ALB: variants seen among roughly 807,000 people sequenced by gnomAD.
The protein encoded by ALB is serum albumin.
In ALB, 37 loss-of-function variants were observed where a neutral mutation model predicts 74.5. The observed-to-expected ratio is 0.50, with a 90% confidence interval of 0.38 to 0.65. ALB has a LOEUF of 0.65. Among genes scored for constraint, ALB ranks in the 30% least tolerant of loss-of-function variants. The probability of loss-of-function intolerance (pLI) is 0.00; values close to 1 mark genes in which losing one functional copy is unlikely to be tolerated. For synonymous variants in ALB, 249 were observed against 251.6 expected, an observed-to-expected ratio of 0.99 and a Z score of 0.10; for missense variants, 685 against 718.7, an observed-to-expected ratio of 0.95 and a Z score of 0.54.
intron 12 of ALB, among the ~76,000 whole-genome samples, chr4:73,418,916 C>T (rs1719081705): frequency 6.6e-6 from 1 of 152,146 alleles, no homozygotes; most frequent in Non-Finnish European, 1.5e-5. Flanking sequence ...ACACAAATCT[C>T]TCCCTGGCAT....
intron 13 of ALB, among the ~76,000 whole-genome samples, 180 bp downstream of exon 13, chr4:73,419,819 A>G (rs1227130423): frequency 6.6e-6 from 1 of 152,270 alleles, no homozygotes; most frequent in East Asian, 1.9e-4. Flanking sequence ...CTCCTGCTCT[A>G]TTGTGCCATA....
intron 12 of ALB, 83 bp downstream of exon 12, chr4:73,418,394 T>C: frequency 1.7e-6 from 2 of 1,204,012 alleles, no homozygotes; most frequent in Non-Finnish European, 2.4e-6. Context: ...TTTCCTGAAG[T>C]AGTGATTATA....
At chr4:73,409,234 G>A (rs1718807255) in intron 4 of ALB, 121 bp from the exon 5 acceptor site, 1 of 1,073,732 alleles carries the variant, frequency 9.3e-7, no homozygotes, top group South Asian at 1.5e-5. Context: ...TGCAAATTGA[G>A]CTTAATTGGT....
At chr4:73,409,073 A>C (rs1228496944) in intron 4 of ALB, 1 of 578,042 alleles carries the variant, frequency 1.7e-6, no homozygotes, top group Middle Eastern at 2.7e-4. Context: ...TATTACGAAG[A>C]TATGTATATA....
At chr4:73,419,432 C>T in intron 12 of ALB, 75 bp from the exon 13 acceptor site, 1 of 1,486,818 alleles carries the variant, frequency 6.7e-7, no homozygotes, top group East Asian at 2.4e-5. Flanking sequence ...GACTACCATC[C>T]TTACTCTCTC....
chr4:73,418,077 C>T lies in ALB; in HGVS notation c.1429-11C>T, dbSNP rs765138364. 1.2e-6 allele frequency: 2 copies of T among 1,613,268 alleles called. No individual in the cohort carries two copies. The highest frequency in any genetic ancestry group is 1.7e-6 in the Non-Finnish European group (2 of 1,179,310). ...CTCTTTTGAATTTCTGCTCTCCTGC[C>T]TGTTCTTTAGCTATCCGTGGTCCTG... is the stretch of plus-strand genomic sequence containing the variant. On this transcript the variant is annotated splice_polypyrimidine_tract_variant and intron_variant, in intron 11 of 14. Coordinates refer to ENST00000295897, the MANE Select transcript of ALB (RefSeq NM_000477.7).
rs569895855 is a variant in ALB, at chr4:73,417,691, A to G, written c.1428+22A>G. 3.3e-6 allele frequency: 5 copies of G among 1,522,760 alleles called. No homozygotes were observed. In the South Asian group the frequency reaches 5.2e-5, roughly 16 times the overall value. 94.3% of individuals were successfully genotyped at this position (1,522,760 alleles called of 1,614,324 possible). ...CTATGTGAGTCTTTAAAAAAATATAATAAATTAATAATGAAAAAATTTTAC... is the reference window on the plus strand; with the variant it reads ...CTATGTGAGTCTTTAAAAAAATATAGTAAATTAATAATGAAAAAATTTTAC... On this transcript the variant is annotated intron_variant, in intron 11 of 14. Coordinates refer to ENST00000295897, the MANE Select transcript of ALB (RefSeq NM_000477.7).
rs61375018 is a variant in ALB at position 73,410,309 on chromosome 4, T to C, written c.616-3T>C. On this transcript the variant is annotated splice_region_variant and splice_polypyrimidine_tract_variant and intron_variant, in intron 5 of 14. Coordinates refer to ENST00000295897, the MANE Select transcript of ALB (RefSeq NM_000477.7). ...ATTTTCATCAAATTATTCCTTTTTG[T>C]AGCTCGATGAACTTCGGGATGAAGG... 0.012 allele frequency: 19,061 copies of C among 1,612,184 alleles called. 162 individuals are homozygous for C. The highest frequency in any genetic ancestry group is 0.015 in the Non-Finnish European group (17,140 of 1,178,232).
In ALB at chr4:73,412,094, A is replaced by G; in HGVS notation, c.812A>G (p.His271Arg). 1.2e-6 allele frequency: 2 copies of G among 1,614,160 alleles called. No homozygotes were observed. The highest frequency in any genetic ancestry group is 1.1e-5 in the South Asian group (1 of 91,084). The change falls in exon 7 of 15, where the codon CAT becomes CGT. Residue 271 changes from histidine to arginine, a missense_variant. Transcript: ENST00000295897. ...ACCAAAGTCCACACGGAATGCTGCC[A>G]TGGAGATCTGCTTGAATGTGCTGAT... is the stretch of plus-strand genomic sequence containing the variant. ...DLTKVHTECC[H>R]GDLLECADDR...
intron 6 of ALB, among the ~76,000 whole-genome samples, chr4:73,411,583 C>A (rs1718878532): frequency 6.6e-6 from 1 of 152,052 alleles, no homozygotes; most frequent in African/African-American, 2.4e-5. Flanking sequence ...CTAATTTAAT[C>A]CTCAAAACTT....
chr4:73,413,880 G>T (rs1050201957), intron 8 of ALB, among the ~76,000 whole-genome samples: 5 of 152,120 alleles, frequency 3.3e-5, no homozygotes, highest in African/African-American at 1.2e-4. Flanking sequence ...CTGAAAATAC[G>T]TCTAGAAACA....
Position 73,418,305 on chromosome 4 carries a change from A to G in ALB, c.1646A>G (p.Lys549Arg). ...TLSEKERQIK[K>R]QTALVELVKH... ...TCTGAGAAGGAGAGACAAATCAAGA[A>G]ACAAACGTGAGGAGTATTTCATTAC... Residue 549 changes from lysine to arginine, a missense_variant, in exon 12 of 15, where the codon AAA becomes AGA. By Grantham distance (26) the Lys-to-Arg change is conservative. Coordinates refer to ENST00000295897, the MANE Select transcript of ALB (RefSeq NM_000477.7). 1 of 1,612,380 alleles carries G rather than the reference A, an allele frequency of 6.2e-7. No individual in the cohort carries two copies. The highest frequency in any genetic ancestry group is 8.5e-7 in the Non-Finnish European group (1 of 1,178,890).
At chr4:73,416,428 A>G (rs756179134) in intron 10 of ALB, 75 bp downstream of exon 10, 3 of 1,063,666 alleles carry the variant, frequency 2.8e-6, no homozygotes, top group Non-Finnish European at 4.3e-6. Flanking sequence ...GCCACCTAGC[A>G]TAGAACTTTT....
In ALB at chr4:73,417,687, TATA is replaced by T; in HGVS notation, c.1428+23_1428+25del. On this transcript the variant is annotated intron_variant, in intron 11 of 14. Transcript: ENST00000295897. ...AAGACTATGTGAGTCTTTAAAAAAATATAATAAATTAATAATGAAAAAATTTTA... is the reference window on the plus strand; with the variant it reads ...AAGACTATGTGAGTCTTTAAAAAAATATAAATTAATAATGAAAAAATTTTA... The T allele has an allele frequency of 1.3e-6, 2 of 1,535,738 alleles. No homozygotes were observed. Among genetic ancestry groups the T allele is most frequent in the Non-Finnish European group, 1.7e-6 (2 of 1,143,518 alleles).
intron 7 of ALB, 55 bp downstream of exon 7, chr4:73,412,180 G>A (rs1421290554): frequency 1.2e-6 from 2 of 1,606,550 alleles, no homozygotes; most frequent in Admixed American, 1.7e-5. Context: ...TTGGTAGAAT[G>A]GATGCGTTTG....
chr4:73,411,944 C>A, intron 6 of ALB, 52 bp from the exon 7 acceptor site: 1 of 1,609,188 alleles, frequency 6.2e-7, no homozygotes, highest in South Asian at 1.1e-5. Context: ...CTAGTGTTTT[C>A]ATATAAAATA....
At chr4:73,416,541 T>TACA (rs1391140578) in intron 10 of ALB, among the ~76,000 whole-genome samples, 188 bp downstream of exon 10, 1 of 152,148 alleles carries the variant, frequency 6.6e-6, no homozygotes, top group East Asian at 1.9e-4. Context: ...TATTTGAATG[T>TACA]AGTCTAAAAA....
At position 73,412,007 on chromosome 4, in the gene ALB, G is replaced by A. The variant is rs75002628; in HGVS notation, c.725G>A (p.Arg242His). Reference protein sequence around the residue: ...ERAFKAWAVARLSQRFPKAEF... With the variant: ...ERAFKAWAVAHLSQRFPKAEF... Reference sequence around the variant, plus strand: ...GATTTTCTTTTTAGGGCAGTAGCTCGCCTGAGCCAGAGATTTCCCAAAGCT... The same window carrying A: ...GATTTTCTTTTTAGGGCAGTAGCTCACCTGAGCCAGAGATTTCCCAAAGCT... The change falls in exon 7 of 15, where the codon CGC (arginine) becomes CAC (histidine). Residue 242 changes from arginine to histidine, a missense_variant. Coordinates refer to ENST00000295897, the MANE Select transcript of ALB (RefSeq NM_000477.7). 113 of 1,614,048 alleles carry A rather than the reference G, an allele frequency of 7.0e-5. No individual in the cohort carries two copies. The highest frequency in any genetic ancestry group is 2.5e-4 in the Admixed American group (15 of 60,016).
At position 73,421,319 on chromosome 4, in the gene ALB, C is replaced by T. The variant is rs1264598501; in HGVS notation, c.*251C>T. 2.5e-6 allele frequency: 1 copy of T among 404,068 alleles called. No homozygotes were observed. The highest frequency in any genetic ancestry group is 3.7e-5 in the East Asian group (1 of 27,346). 25.0% of individuals were successfully genotyped at this position (404,068 alleles called of 1,614,324 possible). On this transcript the variant is annotated 3_prime_UTR_variant, in exon 15 of 15. Coordinates refer to ENST00000295897, the MANE Select transcript of ALB (RefSeq NM_000477.7). ...TGCTATCCTGAAAATTCTGTAGGTT[C>T]TGTGGAAGTTCCAGTGTTCTCTCTT...
Sources: gnomAD v4.1 joint callset for allele counts (sites outside exome capture counted in the v4.1 genomes callset) on GRCh38, gnomAD v4.1.1 for gene constraint, MANE v1.5 for transcripts, NCBI Gene and HGNC (gene_info 2026-07-23, HGNC 2026-07-21) for gene names.